CADPS: variants seen among roughly 807,000 people sequenced by gnomAD.
CADPS encodes the protein calcium dependent secretion activator, also known as calcium-dependent secretion activator 1.
In CADPS, 57 loss-of-function variants were observed where a neutral mutation model predicts 167.3. That is an observed-to-expected ratio of 0.34 (90% CI 0.28 to 0.42). CADPS has a LOEUF of 0.42. Among genes scored for constraint, CADPS ranks in the 20% least tolerant of loss-of-function variants. CADPS has a pLI of 1.00. For missense variants in CADPS, 1,414 were observed against 1,738.1 expected (o/e 0.81, Z 3.32); for synonymous variants, 676 against 635.3 (o/e 1.06, Z -0.96).
intron 1 of CADPS, among the ~76,000 whole-genome samples, chr3:62,844,019 A>C (rs1171955362): frequency 6.6e-6 from 1 of 152,194 alleles, no homozygotes; most frequent in Non-Finnish European, 1.5e-5. Context: ...TTGAAACCTT[A>C]ATCCAAATTG....
chr3:62,510,785 A>G (rs767540880), intron 17 of CADPS, among the ~76,000 whole-genome samples: 2 of 152,114 alleles, frequency 1.3e-5, no homozygotes, highest in Non-Finnish European at 2.9e-5. Context: ...GGTTATGTAG[A>G]CCTATCCATG....
chr3:62,647,030 T>A (rs1237805070), intron 5 of CADPS, among the ~76,000 whole-genome samples: 1 of 152,144 alleles, frequency 6.6e-6, no homozygotes, highest in Non-Finnish European at 1.5e-5. Context: ...TTCTGATATT[T>A]AACAGTATGG....
intron 10 of CADPS, among the ~76,000 whole-genome samples, chr3:62,556,347 G>A (rs773790378): frequency 1.3e-4 from 20 of 152,202 alleles, no homozygotes; most frequent in Non-Finnish European, 2.6e-4. Flanking sequence ...CCAGTCACTC[G>A]GTTGAGATTC....
chr3:62,476,910 G>A (rs758506220), intron 23 of CADPS, among the ~76,000 whole-genome samples: 29 of 152,086 alleles, frequency 1.9e-4, no homozygotes, highest in Admixed American at 9.8e-4. Context: ...CTAGGAGATC[G>A]TGGAATTCAA....
chr3:62,794,793 A>AAAAAAAAAAAAAAAAAAAG (rs1553689817), intron 1 of CADPS, among the ~76,000 whole-genome samples: 2 of 136,692 alleles, frequency 1.5e-5, no homozygotes, highest in Non-Finnish European at 3.0e-5. Context: ...AAAAAAAAAA[A>AAAAAAAAAAAAAAAAAAAG]AAAAAAAAAA....
At chr3:62,408,576 C>T (rs1442482498) in intron 28 of CADPS, among the ~76,000 whole-genome samples, 1 of 152,156 alleles carries the variant, frequency 6.6e-6, no homozygotes, top group Non-Finnish European at 1.5e-5. Flanking sequence ...ACTCTGGATA[C>T]TATCTAATCA....
intron 6 of CADPS, among the ~76,000 whole-genome samples, chr3:62,624,213 T>G (rs1342830860): frequency 7.3e-6 from 1 of 136,492 alleles, no homozygotes; most frequent in Non-Finnish European, 1.6e-5. Flanking sequence ...TTTTAGGTAG[T>G]TCTAAGAGTT....
intron 3 of CADPS, among the ~76,000 whole-genome samples, chr3:62,724,469 A>G (rs2076380330): frequency 6.6e-6 from 1 of 152,228 alleles, no homozygotes; most frequent in African/African-American, 2.4e-5. Flanking sequence ...TGGTAATGAC[A>G]TAAAAAAATT....
chr3:62,872,587 T>C (rs2082826525), intron 1 of CADPS, among the ~76,000 whole-genome samples: 1 of 152,152 alleles, frequency 6.6e-6, no homozygotes, highest in Non-Finnish European at 1.5e-5. Flanking sequence ...CGTGTAAAAA[T>C]GCAAACAGCA....
chr3:62,535,373 ATTCTGT>A (rs2074476372), intron 12 of CADPS, among the ~76,000 whole-genome samples: 1 of 151,670 alleles, frequency 6.6e-6, no homozygotes, highest in African/African-American at 2.4e-5. Context: ...ATTCCACATA[ATTCTGT>A]TTCTGTGTTT....
At chr3:62,432,183 G>A (rs1037931674) in intron 28 of CADPS, among the ~76,000 whole-genome samples, 15 of 152,058 alleles carry the variant, frequency 9.9e-5, no homozygotes, top group Non-Finnish European at 1.5e-5. Flanking sequence ...AGATGATAAG[G>A]ATGATGATGA....
intron 3 of CADPS, among the ~76,000 whole-genome samples, chr3:62,672,700 T>G (rs1484671106): frequency 6.6e-6 from 1 of 152,206 alleles, no homozygotes; most frequent in Non-Finnish European, 1.5e-5. Context: ...CATAGCTCAC[T>G]GCAGCCTTGA....
intron 1 of CADPS, among the ~76,000 whole-genome samples, chr3:62,842,194 G>T (rs113204676): frequency 1.2e-4 from 19 of 152,276 alleles, no homozygotes; most frequent in Admixed American, 5.9e-4. Context: ...TCTAACAACA[G>T]TTACCAGTGC....
chr3:62,798,484 G>A (rs1189572675), intron 1 of CADPS, among the ~76,000 whole-genome samples: 3 of 152,070 alleles, frequency 2.0e-5, no homozygotes, highest in Non-Finnish European at 4.4e-5. Flanking sequence ...TTTGGGACTT[G>A]GACTGGCTTC....
chr3:62,847,426 C>A, intron 1 of CADPS, among the ~76,000 whole-genome samples: 1 of 58,910 alleles, frequency 1.7e-5, no homozygotes. Context: ...TATCCCTCCC[C>A]CCTCCCCCCA....
At chr3:62,783,357 TA>T (rs1275497878) in intron 1 of CADPS, among the ~76,000 whole-genome samples, 1 of 152,150 alleles carries the variant, frequency 6.6e-6, no homozygotes, top group African/African-American at 2.4e-5. Flanking sequence ...GACAACTTCC[TA>T]AAACTCTGTA....
chr3:62,782,366 G>A (rs1252090147), intron 1 of CADPS, among the ~76,000 whole-genome samples: 3 of 152,166 alleles, frequency 2.0e-5, no homozygotes, highest in Non-Finnish European at 1.5e-5. Flanking sequence ...ATCACTATGT[G>A]CCAAGCACTG....
chr3:62,409,661 T>C (rs1338575528), intron 28 of CADPS, among the ~76,000 whole-genome samples: 2 of 152,258 alleles, frequency 1.3e-5, no homozygotes, highest in Non-Finnish European at 2.9e-5. Context: ...GGTTGGTAAC[T>C]CATCAATTGC....
At chr3:62,575,810 G>A (rs1251410144) in intron 8 of CADPS, among the ~76,000 whole-genome samples, 1 of 152,184 alleles carries the variant, frequency 6.6e-6, no homozygotes, top group African/African-American at 2.4e-5. Flanking sequence ...AAAGGCTTCC[G>A]AATGGGAAAG....
Sources: gnomAD v4.1 joint callset for allele counts (sites outside exome capture counted in the v4.1 genomes callset) on GRCh38, gnomAD v4.1.1 for gene constraint, MANE v1.5 for transcripts, NCBI Gene and HGNC (gene_info 2026-07-23, HGNC 2026-07-21) for gene names.